STK4: variants seen among roughly 807,000 people sequenced by gnomAD.
The protein encoded by STK4 is serine/threonine-protein kinase 4.
A neutral mutation model predicts 64.9 loss-of-function variants in STK4; 30 were observed. The ratio of observed to expected loss-of-function variants is 0.46; its 90% CI spans 0.35 to 0.63. The LOEUF is 0.63. Among genes scored for constraint, STK4 ranks in the 20% least tolerant of loss-of-function variants. The pLI, the probability that STK4 is intolerant of heterozygous loss-of-function variation, is 0.01. For missense variants in STK4, 466 were observed against 598.5 expected (o/e 0.78, Z 2.31); for synonymous variants, 177 against 199.0 (o/e 0.89, Z 0.93).
chr20:45,045,958 C>T (rs1017197833), intron 10 of STK4, among the ~76,000 whole-genome samples: 3 of 143,780 alleles, frequency 2.1e-5, no homozygotes, highest in African/African-American at 8.8e-5. Context: ...AGGTGCATGC[C>T]ACCATGCCTG....
chr20:44,995,161 T>G lies in STK4; in HGVS notation c.597T>G (p.Ile199Met), dbSNP rs774041672. The G allele has an allele frequency of 6.2e-7, 1 of 1,614,028 alleles. No homozygotes were observed. The highest frequency in any genetic ancestry group is 1.7e-5 in the Admixed American group (1 of 60,006). Reference protein sequence around the residue: ...FWMAPEVIQEIGYNCVADIWS... With the variant: ...FWMAPEVIQEMGYNCVADIWS... ...TGGCTCCAGAAGTGATTCAGGAAAT[T>G]GGATACAACTGTGTAGCAGACATCT... Residue 199 changes from isoleucine (I) to methionine (M), a missense_variant, in exon 6 of 11, where the codon ATT (isoleucine) becomes ATG (methionine). Transcript: ENST00000372806.
At chr20:45,006,278 T>TATTTATTTATTC (rs1301149970) in intron 9 of STK4, among the ~76,000 whole-genome samples, 1 of 151,832 alleles carries the variant, frequency 6.6e-6, no homozygotes, top group African/African-American at 2.4e-5. Context: ...TTTATTTATT[T>TATTTATTTATTC]ATTCCCAGAA....
intron 3 of STK4, among the ~76,000 whole-genome samples, chr20:44,980,095 G>A (rs938234190): frequency 3.9e-5 from 6 of 152,108 alleles, no homozygotes; most frequent in African/African-American, 1.2e-4. Flanking sequence ...AATTGGACAG[G>A]CTAAGTATAT....
At chr20:45,016,019 TTG>T (rs1413606122) in intron 9 of STK4, among the ~76,000 whole-genome samples, 3 of 152,202 alleles carry the variant, frequency 2.0e-5, no homozygotes, top group African/African-American at 7.2e-5. Context: ...TGATGATGTT[TTG>T]TAGGTGCCAC....
chr20:45,064,608 G>A (rs1425059870), intron 10 of STK4, among the ~76,000 whole-genome samples: 1 of 152,084 alleles, frequency 6.6e-6, no homozygotes, highest in African/African-American at 2.4e-5. Context: ...ATTTCTTTGA[G>A]CACTGTTTTA....
intron 9 of STK4, among the ~76,000 whole-genome samples, chr20:45,021,778 A>C (rs575361416): frequency 6.6e-6 from 1 of 152,336 alleles, no homozygotes; most frequent in Admixed American, 6.5e-5. Context: ...GTACACATCT[A>C]GTTGTAGCAT....
intron 9 of STK4, among the ~76,000 whole-genome samples, chr20:45,020,441 T>C (rs1488779515): frequency 1.1e-5 from 1 of 93,798 alleles, no homozygotes; most frequent in African/African-American, 3.4e-5. Context: ...TGTTTATGCG[T>C]GTGTGTGTGT....
chr20:45,064,520 G>A (rs1979399060), intron 10 of STK4, among the ~76,000 whole-genome samples: 1 of 152,136 alleles, frequency 6.6e-6, no homozygotes, highest in East Asian at 1.9e-4. Flanking sequence ...AATTGCTTTG[G>A]GCAGTATAGC....
chr20:45,059,526 T>A (rs1357944943), intron 10 of STK4, among the ~76,000 whole-genome samples: 1 of 152,148 alleles, frequency 6.6e-6, no homozygotes. Flanking sequence ...GTGTATAGCA[T>A]GGTTATGCTG....
chr20:45,054,632 T>C (rs373380220), intron 10 of STK4, among the ~76,000 whole-genome samples: 29 of 150,612 alleles, frequency 1.9e-4, no homozygotes, highest in Non-Finnish European at 2.7e-4. Context: ...AGAACCTGAT[T>C]CAATTTTGAT....
rs2067207724 is a variant in STK4 at position 44,969,464 on chromosome 20, C to T, written c.36-2614C>T. Among the ~76,000 whole-genome samples the T allele has an allele frequency of 2.0e-5, 3 of 152,114 alleles. No homozygotes were observed. The South Asian group carries it at 6.2e-4, about 32-fold the overall frequency. On this transcript the variant is annotated intron_variant, in intron 1 of 10. Transcript: ENST00000372806. The stretch of plus-strand genomic sequence containing the variant: ...TCAGATGGCATGTGTTTCCAATAAC[C>T]CCAGTGCAGGAAATGCCCTTTGTGT...
intron 10 of STK4, among the ~76,000 whole-genome samples, chr20:45,038,191 A>C (rs1475514073): frequency 1.3e-5 from 2 of 152,074 alleles, no homozygotes; most frequent in East Asian, 3.8e-4. Context: ...CAAGTCAGCT[A>C]TTCTTGTTTT....
rs1458626234 is a variant in STK4 at position 44,975,306 on chromosome 20, C to T, written c.117-3137C>T. 13 of 966,252 alleles carry T rather than the reference C, an allele frequency of 1.3e-5. 2 individuals are homozygous for T. The highest frequency in any genetic ancestry group is 7.0e-5 in the African/African-American group (4 of 56,768). 59.9% of individuals were successfully genotyped at this position (966,252 alleles called of 1,614,324 possible). A position where few individuals can be genotyped will look rare whatever the true frequency, so the allele number is the denominator to read the frequency against. ...TGATTGCTGAAATCTTCTAACCACC[C>T]CCTATCCCTGCCTTCAGATTACTGT... On this transcript the variant is annotated intron_variant, in intron 2 of 10. Transcript: ENST00000372806.
intron 10 of STK4, among the ~76,000 whole-genome samples, chr20:45,066,887 T>C (rs967166320): frequency 6.6e-6 from 1 of 152,152 alleles, no homozygotes. Context: ...AAACTAATGG[T>C]GTGGTACTTA....
Position 44,981,971 on chromosome 20 carries a change from T to C in STK4, c.360+28T>C, listed in dbSNP as rs746885514. ...AGGTTTACCTTCTAGAACATGCAAC[T>C]GAGCTAGTTTCTTATGCCATCTTCT... On this transcript the variant is annotated intron_variant, in intron 4 of 10. Coordinates refer to ENST00000372806, the MANE Select transcript of STK4 (RefSeq NM_006282.5). 6 of 1,485,910 alleles carry C rather than the reference T, an allele frequency of 4.0e-6. No homozygotes were observed. In the Admixed American group the frequency reaches 1.0e-4, roughly 25 times the overall value. The allele number at this position is 1,485,910 out of a possible 1,614,324, so 92.0% of individuals were successfully genotyped here.
At chr20:45,003,556 T>G (rs557274833) in intron 9 of STK4, among the ~76,000 whole-genome samples, 3 of 152,266 alleles carry the variant, frequency 2.0e-5, no homozygotes, top group Non-Finnish European at 4.4e-5. Context: ...AGACTTTCAT[T>G]TAGTTCCTTA....
intron 7 of STK4, among the ~76,000 whole-genome samples, chr20:44,997,741 G>A (rs1415419790): frequency 2.0e-5 from 3 of 152,194 alleles, no homozygotes; most frequent in African/African-American, 7.2e-5. Context: ...TACCTCTAGG[G>A]AGGTTTGAAT....
chr20:45,068,076 T>TATACCTTACCAATACCTTACCA (rs1979738191), intron 10 of STK4, among the ~76,000 whole-genome samples: 1 of 152,232 alleles, frequency 6.6e-6, no homozygotes, highest in African/African-American at 2.4e-5. Context: ...CATTATGTTA[T>TATACCTTACCAATACCTTACCA]ATACCTTACC....
At chr20:44,978,964 A>G (rs1221990563) in intron 3 of STK4, among the ~76,000 whole-genome samples, 1 of 151,820 alleles carries the variant, frequency 6.6e-6, no homozygotes, top group Non-Finnish European at 1.5e-5. Context: ...ACGCCCAGCT[A>G]ATATTTTTGT....
Sources: gnomAD v4.1 joint callset for allele counts (sites outside exome capture counted in the v4.1 genomes callset) on GRCh38, gnomAD v4.1.1 for gene constraint, MANE v1.5 for transcripts, NCBI Gene and HGNC (gene_info 2026-07-23, HGNC 2026-07-21) for gene names.